Variants in INO80 observed in about 807,000 individuals in gnomAD.
INO80 encodes the protein INO80 complex ATPase subunit.
INO80 carries 20 observed loss-of-function variants against 203.4 expected under a neutral mutation model. The ratio of observed to expected loss-of-function variants is 0.10; its 90% CI spans 0.07 to 0.14. The LOEUF (loss-of-function observed/expected upper bound fraction) is 0.14. Among genes scored for constraint, INO80 ranks in the 10% least tolerant of loss-of-function variants. INO80 has a pLI of 1.00. For synonymous variants in INO80, 726 were observed against 685.2 expected (o/e 1.06, Z -0.93); for missense variants, 1,419 against 1,914.4 (o/e 0.74, Z 4.83).
intron 24 of INO80, among the ~76,000 whole-genome samples, chr15:41,039,820 C>T (rs1334759052): frequency 6.6e-6 from 1 of 152,192 alleles, no homozygotes; most frequent in East Asian, 1.9e-4. Context: ...TCCACTCTAC[C>T]ACCATTCCCT....
chr15:41,089,260 G>C (rs1268977773), intron 5 of INO80, among the ~76,000 whole-genome samples: 1 of 152,092 alleles, frequency 6.6e-6, no homozygotes, highest in East Asian at 1.9e-4. Context: ...GTACCTTACT[G>C]CTGGAGTTTA....
At chr15:41,058,920 T>G in intron 15 of INO80, 139 bp from the exon 16 acceptor site, 1 of 749,468 alleles carries the variant, frequency 1.3e-6, no homozygotes. Flanking sequence ...TAGGGAGATG[T>G]GCAGTGAAGT....
intron 14 of INO80, 25 bp from the exon 15 acceptor site, chr15:41,059,951 T>C: frequency 7.1e-7 from 1 of 1,414,952 alleles, no homozygotes; most frequent in Non-Finnish European, 9.9e-7. Flanking sequence ...AATATATACA[T>C]TACTTTCTAT....
chr15:41,068,515 T>C (rs1280337806), intron 14 of INO80, among the ~76,000 whole-genome samples: 2 of 151,610 alleles, frequency 1.3e-5, no homozygotes, highest in African/African-American at 2.4e-5. Context: ...GAGCAGAGTT[T>C]GCACCATTAC....
At chr15:41,060,036 G>A (rs2045074201) in intron 14 of INO80, 110 bp from the exon 15 acceptor site, 1 of 713,184 alleles carries the variant, frequency 1.4e-6, no homozygotes, top group African/African-American at 1.8e-5. Context: ...ATGAGCATAG[G>A]AATTCCTCTC....
chr15:40,995,718 C>G (rs556942750), intron 29 of INO80, among the ~76,000 whole-genome samples: 23 of 152,206 alleles, frequency 1.5e-4, no homozygotes, highest in African/African-American at 5.3e-4. Flanking sequence ...TATGACTATG[C>G]TGAAATTCTT....
At chr15:41,016,008 G>A in intron 27 of INO80, 80 bp downstream of exon 27, 1 of 1,167,708 alleles carries the variant, frequency 8.6e-7, no homozygotes, top group Non-Finnish European at 1.2e-6. Context: ...CATTAAGCAG[G>A]ACTAACATTA....
Position 40,987,360 on chromosome 15 carries a change from G to C in INO80, c.3730-167C>G, listed in dbSNP as rs531754213. On this transcript the variant is annotated intron_variant, in intron 30 of 35. Transcript: ENST00000648947. The stretch of plus-strand genomic sequence containing the variant: ...TCAGTTCATCTGATTGGCTCATCCA[G>C]ATTATTTGTCCGACAGAAGGAAAAT... Among the ~76,000 whole-genome samples the C allele has an allele frequency of 5.3e-5, 8 of 152,282 alleles. No homozygotes were observed. In the South Asian group the frequency reaches 1.0e-3, roughly 20 times the overall value.
chr15:41,092,304 C>G, intron 4 of INO80, 122 bp from the exon 5 acceptor site: 1 of 617,026 alleles, frequency 1.6e-6, no homozygotes, highest in Non-Finnish European at 2.6e-6. Flanking sequence ...ACTCCAGTTC[C>G]CCTTATGACA....
At chr15:41,028,528 G>A (rs575230450) in intron 24 of INO80, among the ~76,000 whole-genome samples, 48 of 152,306 alleles carry the variant, frequency 3.2e-4, no homozygotes, top group African/African-American at 9.4e-4. Flanking sequence ...TCAGTAACAG[G>A]AAATTCTATC....
intron 32 of INO80, 39 bp downstream of exon 32, chr15:40,985,299 C>G: frequency 1.4e-6 from 2 of 1,455,624 alleles, no homozygotes; most frequent in African/African-American, 2.8e-5. Flanking sequence ...GTACCCCAGG[C>G]CCCATTAGCC....
chr15:40,983,729 C>T, intron 34 of INO80, 33 bp downstream of exon 34: 1 of 1,604,540 alleles, frequency 6.2e-7, no homozygotes. Flanking sequence ...GGCAGTGGAC[C>T]AGGCCCAAGC....
chr15:40,993,565 C>G (rs1422211031), intron 29 of INO80, among the ~76,000 whole-genome samples: 3 of 152,018 alleles, frequency 2.0e-5, no homozygotes, highest in Admixed American at 6.6e-5. Flanking sequence ...TTGAGACCAG[C>G]CTGGCCAACG....
intron 7 of INO80, among the ~76,000 whole-genome samples, chr15:41,083,788 A>T (rs1313967749): frequency 6.6e-6 from 1 of 152,150 alleles, no homozygotes; most frequent in Non-Finnish European, 1.5e-5. Flanking sequence ...ACCTATATGA[A>T]GTATATGTGT....
At chr15:41,037,987 C>T (rs1338510608) in intron 24 of INO80, among the ~76,000 whole-genome samples, 1 of 150,700 alleles carries the variant, frequency 6.6e-6, no homozygotes, top group Non-Finnish European at 1.5e-5. Flanking sequence ...CCACCAAATG[C>T]CTCTCTTGCC....
intron 15 of INO80, 126 bp downstream of exon 15, chr15:41,059,741 T>C (rs1277814777): frequency 1.0e-5 from 6 of 577,570 alleles, no homozygotes; most frequent in Non-Finnish European, 1.8e-5. Flanking sequence ...AAATGGAAAC[T>C]TGATCAGTGT....
chr15:41,043,204 T>C (rs2044698624), intron 24 of INO80, among the ~76,000 whole-genome samples: 2 of 152,144 alleles, frequency 1.3e-5, no homozygotes, highest in African/African-American at 2.4e-5. Flanking sequence ...CAGGTGTCCA[T>C]ATAACAGGGA....
chr15:41,027,777 G>A (rs774880174), intron 24 of INO80, 41 bp from the exon 25 acceptor site: 2 of 1,490,494 alleles, frequency 1.3e-6, no homozygotes, highest in East Asian at 2.4e-5. Flanking sequence ...CTATAATTAT[G>A]TTTAATGTAA....
At chr15:41,056,750 G>A in intron 16 of INO80, 44 bp from the exon 17 acceptor site, 1 of 1,548,074 alleles carries the variant, frequency 6.5e-7, no homozygotes, top group Non-Finnish European at 8.9e-7. Flanking sequence ...GCAATAAATT[G>A]TTCTTTAATT....
Sources: gnomAD v4.1 joint callset for allele counts (sites outside exome capture counted in the v4.1 genomes callset) on GRCh38, gnomAD v4.1.1 for gene constraint, MANE v1.5 for transcripts, NCBI Gene and HGNC (gene_info 2026-07-23, HGNC 2026-07-21) for gene names.